DOCK2: variants seen among roughly 807,000 people sequenced by gnomAD.
DOCK2 encodes the protein dedicator of cytokinesis 2.
A neutral mutation model predicts 248.9 loss-of-function variants in DOCK2; 87 were observed. The observed-to-expected ratio is 0.35, with a 90% CI of 0.29 to 0.42. DOCK2 has a LOEUF of 0.42. DOCK2 is among the 10% of genes least tolerant of loss of function. The probability of loss-of-function intolerance (pLI) is 1.00; values close to 1 mark genes in which losing one functional copy is unlikely to be tolerated. For missense variants in DOCK2, 1,747 were observed against 2,300.2 expected, an observed-to-expected ratio of 0.76 and a Z score of 4.92; for synonymous variants, 805 against 821.6, an observed-to-expected ratio of 0.98 and a Z score of 0.35.
At chr5:169,825,964 C>T (rs993261200) in intron 26 of DOCK2, among the ~76,000 whole-genome samples, 20 of 151,712 alleles carry the variant, frequency 1.3e-4, no homozygotes, top group African/African-American at 4.6e-4. Flanking sequence ...AAGAAGTTGC[C>T]AGCGTCTTTG....
intron 25 of DOCK2, among the ~76,000 whole-genome samples, chr5:169,776,013 T>C (rs1765362862): frequency 6.6e-6 from 1 of 151,936 alleles, no homozygotes; most frequent in African/African-American, 2.4e-5. Flanking sequence ...GTTAGGATTA[T>C]CAAAATATTG....
intron 25 of DOCK2, among the ~76,000 whole-genome samples, chr5:169,768,608 G>A (rs979931240): frequency 1.3e-5 from 2 of 152,160 alleles, no homozygotes; most frequent in Non-Finnish European, 2.9e-5. Flanking sequence ...GCCAGCAGTT[G>A]CTGTGTCACC....
intron 44 of DOCK2, among the ~76,000 whole-genome samples, chr5:170,063,259 A>G (rs1356877438): frequency 1.3e-5 from 2 of 152,208 alleles, no homozygotes; most frequent in Non-Finnish European, 2.9e-5. Flanking sequence ...GGTTTATGCT[A>G]TGCATTGAAT....
intron 27 of DOCK2, among the ~76,000 whole-genome samples, chr5:169,900,294 G>A (rs1773849591): frequency 6.6e-6 from 1 of 152,214 alleles, no homozygotes; most frequent in Non-Finnish European, 1.5e-5. Context: ...TGATGGAGGG[G>A]ACATCTGAGC....
intron 27 of DOCK2, among the ~76,000 whole-genome samples, chr5:169,940,189 C>CT (rs1468058256): frequency 6.6e-6 from 1 of 152,190 alleles, no homozygotes; most frequent in Non-Finnish European, 1.5e-5. Context: ...AAGGGACCTG[C>CT]TGCTTTAACA....
intron 27 of DOCK2, among the ~76,000 whole-genome samples, chr5:169,963,221 G>A (rs542848421): frequency 2.0e-5 from 3 of 152,298 alleles, no homozygotes; most frequent in South Asian, 4.2e-4. Context: ...TGGTCCACGT[G>A]GGGTGGGTAT....
intron 25 of DOCK2, among the ~76,000 whole-genome samples, chr5:169,777,620 A>G (rs1028228303): frequency 3.4e-4 from 52 of 152,192 alleles, no homozygotes; most frequent in African/African-American, 1.2e-3. Flanking sequence ...GGCTGGATCA[A>G]TTCCTGATTT....
At chr5:169,836,041 C>T (rs1021156307) in intron 26 of DOCK2, among the ~76,000 whole-genome samples, 2 of 152,186 alleles carry the variant, frequency 1.3e-5, no homozygotes, top group Non-Finnish European at 1.5e-5. Context: ...TAGGCATGAG[C>T]CACTGTGCCC....
intron 34 of DOCK2, among the ~76,000 whole-genome samples, chr5:170,030,490 CA>C (rs2113833828): frequency 6.6e-6 from 1 of 152,266 alleles, no homozygotes; most frequent in Admixed American, 6.5e-5. Flanking sequence ...ATTAGTAGTA[CA>C]GATTGATTAG....
At chr5:169,941,502 C>A (rs1055265266) in intron 27 of DOCK2, among the ~76,000 whole-genome samples, 6 of 152,140 alleles carry the variant, frequency 3.9e-5, no homozygotes, top group Non-Finnish European at 7.4e-5. Context: ...CCCATGGAAC[C>A]AGGGCAAGTG....
At position 169,898,927 on chromosome 5, in the gene DOCK2, A is replaced by C. The variant is rs541558086; in HGVS notation, c.2799+58075A>C. 1.4e-4 allele frequency among the ~76,000 whole-genome samples: 21 copies of C among 152,326 alleles called. No individual in the cohort carries two copies. The South Asian group carries it at 4.4e-3, about 32-fold the overall frequency. On this transcript the variant is annotated intron_variant, in intron 27 of 51. Transcript: ENST00000520908. The stretch of plus-strand genomic sequence containing the variant: ...ACCACAGAGACTAAAGTGAAGAAGC[A>C]AAAGGTGGTAGAATGGTGGATTCAA...
chr5:169,857,112 G>A (rs1581296402), intron 27 of DOCK2, among the ~76,000 whole-genome samples: 3 of 152,250 alleles, frequency 2.0e-5, no homozygotes, highest in African/African-American at 7.2e-5. Context: ...TGCCCAAAAT[G>A]TTCCTTTAGT....
intron 27 of DOCK2, chr5:169,883,669 G>A (rs1383343843): frequency 6.4e-7 from 1 of 1,550,954 alleles, no homozygotes; most frequent in Non-Finnish European, 8.7e-7. Context: ...CGAGTAGGTG[G>A]GGGGAAGATG....
chr5:169,714,271 T>G, intron 18 of DOCK2, 60 bp downstream of exon 18: 2 of 1,608,038 alleles, frequency 1.2e-6, no homozygotes, highest in South Asian at 2.2e-5. Flanking sequence ...TGTGTGTACA[T>G]GTGTGTATGT....
At chr5:169,766,996 T>A (rs1354822166) in intron 25 of DOCK2, among the ~76,000 whole-genome samples, 1 of 152,220 alleles carries the variant, frequency 6.6e-6, no homozygotes, top group Non-Finnish European at 1.5e-5. Context: ...CCTCTGGCGA[T>A]CTGCCTGCCT....
chr5:169,993,511 C>T (rs923613640), intron 29 of DOCK2, among the ~76,000 whole-genome samples: 20 of 151,606 alleles, frequency 1.3e-4, no homozygotes, highest in African/African-American at 4.9e-4. Context: ...TTCAATTCCA[C>T]ACAGCTGGAG....
At chr5:169,714,915 A>G (rs1761818446) in intron 19 of DOCK2, among the ~76,000 whole-genome samples, 1 of 152,180 alleles carries the variant, frequency 6.6e-6, no homozygotes, top group South Asian at 2.1e-4. Context: ...ATGTTGATAT[A>G]TATGTATATG....
At chr5:169,684,754 G>T (rs1436414261) in intron 8 of DOCK2, among the ~76,000 whole-genome samples, 1 of 152,162 alleles carries the variant, frequency 6.6e-6, no homozygotes, top group East Asian at 1.9e-4. Context: ...GGCTCAAGTG[G>T]TTCTCCCACC....
At chr5:169,684,439 T>C in intron 8 of DOCK2, 89 bp downstream of exon 8, 1 of 1,486,552 alleles carries the variant, frequency 6.7e-7, no homozygotes, top group Non-Finnish European at 9.1e-7. Flanking sequence ...TGTGGAGCAA[T>C]CTCCACCTGG....
Sources: allele counts gnomAD v4.1 joint callset (sites outside exome capture counted in the v4.1 genomes callset), GRCh38; gene constraint gnomAD v4.1.1; transcripts MANE v1.5; gene names NCBI Gene and HGNC (gene_info 2026-07-23, HGNC 2026-07-21).